PIK3C2G: variants seen among roughly 807,000 people sequenced by gnomAD.
PIK3C2G encodes phosphatidylinositol 3-kinase C2 domain-containing subunit gamma.
A neutral mutation model predicts 181.1 loss-of-function variants in PIK3C2G; 168 were observed. The ratio of observed to expected loss-of-function variants is 0.93; its 90% confidence interval spans 0.82 to 1.05. PIK3C2G has a LOEUF of 1.05. Ranked by LOEUF, PIK3C2G falls within the 50% of genes least tolerant of loss-of-function variation. The probability of loss-of-function intolerance (pLI) is 0.00; values close to 1 mark genes in which losing one functional copy is unlikely to be tolerated. For synonymous variants in PIK3C2G, 573 were observed against 592.2 expected, an observed-to-expected ratio of 0.97 and a Z score of 0.47; for missense variants, 1,869 against 1,732.8, an observed-to-expected ratio of 1.08 and a Z score of -1.40.
the PIK3C2G span, among the ~76,000 whole-genome samples, chr12:18,704,472 G>A: frequency 6.6e-6 from 1 of 151,968 alleles, no homozygotes; most frequent in Non-Finnish European, 1.5e-5. Flanking sequence ...ATTACAGGTG[G>A]ATGCCACGAC....
intron 29 of PIK3C2G, among the ~76,000 whole-genome samples, chr12:18,585,004 G>C (rs185372534): frequency 6.6e-6 from 1 of 152,062 alleles, no homozygotes; most frequent in African/African-American, 2.4e-5. Flanking sequence ...GATGGAGTCC[G>C]CTACCACCAG....
chr12:18,720,699 T>A, the PIK3C2G span, among the ~76,000 whole-genome samples: 1 of 152,028 alleles, frequency 6.6e-6, no homozygotes, highest in Non-Finnish European at 1.5e-5. Context: ...TAGAGTGTGA[T>A]CTTTGGCAGA....
Position 18,641,743 on chromosome 12 carries a change from C to CTTTTTTTTTTTTTTTTTTTTTTTTTT in PIK3C2G, c.4308+1209_4308+1210insTTTTTTTTTTTTTTTTTTTTTTTTTT, listed in dbSNP as rs11285609. On this transcript the variant is annotated intron_variant, in intron 32 of 32. Coordinates refer to ENST00000538779, the MANE Select transcript of PIK3C2G (RefSeq NM_001288772.2). ...AAAACCCTGGCTTCTCTCTCTCAAG[C>CTTTTTTTTTTTTTTTTTTTTTTTTTT]TTTTTTTTTTTTTTTTTTTTGAGAT... 3.2e-5 allele frequency among the ~76,000 whole-genome samples: 3 copies of CTTTTTTTTTTTTTTTTTTTTTTTTTT among 93,164 alleles called. 1 individual carries two copies. Among genetic ancestry groups the CTTTTTTTTTTTTTTTTTTTTTTTTTT allele is most frequent in the African/African-American group, 9.8e-5 (2 of 20,316 alleles). 61.1% of individuals were successfully genotyped at this position (93,164 alleles called of 152,430 possible).
chr12:18,401,673 T>C (rs981984152), intron 16 of PIK3C2G, among the ~76,000 whole-genome samples: 4 of 152,102 alleles, frequency 2.6e-5, no homozygotes, highest in African/African-American at 4.8e-5. Context: ...AATAGAAAGA[T>C]AAATAACCCA....
At chr12:18,653,859 G>A in the PIK3C2G span, among the ~76,000 whole-genome samples, 53 of 152,204 alleles carry the variant, frequency 3.5e-4, no homozygotes, top group Middle Eastern at 3.4e-3. Flanking sequence ...TTCCTAGGCT[G>A]AGGTTCAGAA....
chr12:18,465,425 G>A (rs548926297), intron 18 of PIK3C2G, among the ~76,000 whole-genome samples: 155 of 151,856 alleles, frequency 1.0e-3, no homozygotes, highest in Middle Eastern at 3.4e-3. Context: ...ATTTCTTCTT[G>A]CATTTTAGTC....
chr12:18,703,956 A>G, the PIK3C2G span, among the ~76,000 whole-genome samples: 3 of 152,210 alleles, frequency 2.0e-5, no homozygotes, highest in African/African-American at 7.2e-5. Context: ...AAACCAAACT[A>G]TTTGTTGTTA....
the PIK3C2G span, among the ~76,000 whole-genome samples, chr12:18,667,314 G>A: frequency 1.3e-5 from 2 of 152,074 alleles, no homozygotes. Context: ...CTTGGTGGGA[G>A]AAACCTCCTA....
At chr12:18,305,408 G>C (rs955750671) in intron 5 of PIK3C2G, among the ~76,000 whole-genome samples, 4 of 152,126 alleles carry the variant, frequency 2.6e-5, no homozygotes, top group Non-Finnish European at 5.9e-5. Flanking sequence ...CGAAGCTGTT[G>C]CAAGAGTGTT....
chr12:18,480,293 A>C (rs892088963), intron 18 of PIK3C2G, among the ~76,000 whole-genome samples: 7 of 152,160 alleles, frequency 4.6e-5, no homozygotes, highest in African/African-American at 1.7e-4. Context: ...AGAGTGCTTA[A>C]TTTAGAAAAA....
chr12:18,642,569 T>C (rs549090459), intron 32 of PIK3C2G, among the ~76,000 whole-genome samples: 21 of 152,284 alleles, frequency 1.4e-4, no homozygotes, highest in Non-Finnish European at 1.6e-4. Context: ...TCTGCCTGCT[T>C]TGAGACTGAC....
At chr12:18,319,771 CTCT>C (rs1041591378) in intron 6 of PIK3C2G, among the ~76,000 whole-genome samples, 7 of 151,984 alleles carry the variant, frequency 4.6e-5, no homozygotes, top group African/African-American at 1.7e-4. Flanking sequence ...CCTATTTTCC[CTCT>C]TCTTTTACTG....
At chr12:18,301,072 T>C (rs955446289) in intron 5 of PIK3C2G, among the ~76,000 whole-genome samples, 1 of 152,170 alleles carries the variant, frequency 6.6e-6, no homozygotes, top group African/African-American at 2.4e-5. Context: ...CTGATAAATT[T>C]GCTGTTAGGC....
At chr12:18,538,876 A>T (rs2136242361) in intron 25 of PIK3C2G, among the ~76,000 whole-genome samples, 1 of 152,030 alleles carries the variant, frequency 6.6e-6, no homozygotes, top group East Asian at 1.9e-4. Flanking sequence ...ACAGGGGAAA[A>T]TTTAAGGTTT....
At chr12:18,611,682 C>T (rs1170376514) in intron 31 of PIK3C2G, among the ~76,000 whole-genome samples, 1 of 152,006 alleles carries the variant, frequency 6.6e-6, no homozygotes, top group East Asian at 1.9e-4. Context: ...TAAATAGCAC[C>T]TTCATTCTCT....
intron 10 of PIK3C2G, 25 bp downstream of exon 10, chr12:18,343,385 T>G (rs367547784): frequency 8.2e-7 from 1 of 1,215,064 alleles, no homozygotes; most frequent in African/African-American, 1.6e-5. Context: ...TACTCAAGTA[T>G]TTTGAAATAA....
intron 30 of PIK3C2G, among the ~76,000 whole-genome samples, chr12:18,608,515 C>T (rs1171662400): frequency 7.5e-6 from 1 of 133,388 alleles, no homozygotes; most frequent in African/African-American, 2.9e-5. Context: ...AATGAGAACA[C>T]ATGGACACAG....
At chr12:18,335,852 A>G (rs1283146533) in intron 8 of PIK3C2G, among the ~76,000 whole-genome samples, 1 of 152,190 alleles carries the variant, frequency 6.6e-6, no homozygotes, top group Non-Finnish European at 1.5e-5. Context: ...TAAGTAGATC[A>G]CATAAGAAGT....
chr12:18,644,151 G>T (rs975331494), intron 32 of PIK3C2G, among the ~76,000 whole-genome samples: 3 of 151,922 alleles, frequency 2.0e-5, no homozygotes, highest in Admixed American at 2.0e-4. Context: ...TTGACACTTC[G>T]CAGAGTGAGC....
Sources: allele counts gnomAD v4.1 joint callset (sites outside exome capture counted in the v4.1 genomes callset), GRCh38; gene constraint gnomAD v4.1.1; transcripts MANE v1.5; gene names NCBI Gene and HGNC (gene_info 2026-07-23, HGNC 2026-07-21).